The following RBPMS2 variants were observed in gnomAD, a reference collection of about 807,000 sequenced individuals.
RBPMS2 encodes RNA-binding protein with multiple splicing 2.
Under a neutral mutation model 25.7 loss-of-function variants are expected in RBPMS2, and 14 were observed. The observed-to-expected ratio is 0.55, with a 90% CI of 0.36 to 0.85. The LOEUF is 0.85. Ranked by LOEUF, RBPMS2 falls within the 40% of genes least tolerant of loss-of-function variation. RBPMS2 has a pLI of 0.01. For synonymous variants in RBPMS2, 127 were observed against 115.6 expected (o/e 1.10, Z -0.63); for missense variants, 252 against 283.4 (o/e 0.89, Z 0.80).
intron 3 of RBPMS2, among the ~76,000 whole-genome samples, 198 bp from the exon 4 acceptor site, chr15:64,749,691 A>G (rs557824767): frequency 6.6e-6 from 1 of 152,318 alleles, no homozygotes; most frequent in Admixed American, 6.5e-5. Context: ...AACATGCACC[A>G]AAAGTCAAGT....
At chr15:64,763,505 C>G (rs1419271426) in intron 1 of RBPMS2, among the ~76,000 whole-genome samples, 1 of 152,192 alleles carries the variant, frequency 6.6e-6, no homozygotes, top group Non-Finnish European at 1.5e-5. Flanking sequence ...GTTCTGCCTG[C>G]CCCTGCTATC....
intron 6 of RBPMS2, among the ~76,000 whole-genome samples, chr15:64,742,290 C>T (rs1284610752): frequency 6.6e-6 from 1 of 152,244 alleles, no homozygotes; most frequent in Non-Finnish European, 1.5e-5. Context: ...CTGAGGCTCC[C>T]GTTTTGACCT....
chr15:64,748,311 A>T, intron 6 of RBPMS2, 108 bp downstream of exon 6: 1 of 1,184,336 alleles, frequency 8.4e-7, no homozygotes, highest in Non-Finnish European at 1.2e-6. Flanking sequence ...GGAAGACAAG[A>T]GTTCTGCTGC....
chr15:64,753,568 A>C (rs768436906), intron 1 of RBPMS2, among the ~76,000 whole-genome samples: 1 of 152,204 alleles, frequency 6.6e-6, no homozygotes, highest in Non-Finnish European at 1.5e-5. Flanking sequence ...ACTCTCAGCC[A>C]CGGTGAAGAC....
intron 1 of RBPMS2, among the ~76,000 whole-genome samples, chr15:64,773,498 G>A (rs561506572): frequency 2.0e-5 from 3 of 152,326 alleles, no homozygotes; most frequent in East Asian, 1.9e-4. Flanking sequence ...GAATAGTAGG[G>A]ATTCCACTTT....
At chr15:64,750,254 T>A in intron 3 of RBPMS2, 89 bp downstream of exon 3, 1 of 1,161,290 alleles carries the variant, frequency 8.6e-7, no homozygotes, top group Non-Finnish European at 1.3e-6. Flanking sequence ...GCCAGATGCC[T>A]CTAGATTAGG....
At chr15:64,757,404 C>G (rs866533171) in intron 1 of RBPMS2, among the ~76,000 whole-genome samples, 1 of 152,308 alleles carries the variant, frequency 6.6e-6, no homozygotes, top group African/African-American at 2.4e-5. Flanking sequence ...GCACAAGGAT[C>G]TCCCTCATCA....
chr15:64,742,200 C>T (rs1455339183), intron 6 of RBPMS2, among the ~76,000 whole-genome samples: 1 of 152,164 alleles, frequency 6.6e-6, no homozygotes, highest in Admixed American at 6.5e-5. Flanking sequence ...AAACAAAACC[C>T]AAAGTCCGTG....
intron 1 of RBPMS2, among the ~76,000 whole-genome samples, chr15:64,760,079 G>A (rs544252904): frequency 6.6e-6 from 1 of 152,368 alleles, no homozygotes; most frequent in African/African-American, 2.4e-5. Flanking sequence ...CAGTGCCCTG[G>A]ACAGCAGATG....
intron 1 of RBPMS2, among the ~76,000 whole-genome samples, chr15:64,752,012 T>C (rs1454212510): frequency 6.6e-6 from 1 of 150,522 alleles, no homozygotes; most frequent in Non-Finnish European, 1.5e-5. Flanking sequence ...TTGCCCAGGC[T>C]AAACTGCAGT....
intron 1 of RBPMS2, among the ~76,000 whole-genome samples, chr15:64,760,246 A>G (rs1372427056): frequency 6.6e-6 from 1 of 152,200 alleles, no homozygotes; most frequent in Non-Finnish European, 1.5e-5. Context: ...GCCAGGAGCC[A>G]CGACCATGGG....
At position 64,749,166 on chromosome 15, in the gene RBPMS2, AAAG is replaced by A. The variant is rs763350998; in HGVS notation, c.268-19_268-17del. Reference sequence around the variant, plus strand: ...AGCGAATACCCTACATGGGTAGAGAAAAGAAGAGAAAGGCTTACTCCGGGGGAC... The same window carrying A: ...AGCGAATACCCTACATGGGTAGAGAAAAGAGAAAGGCTTACTCCGGGGGAC... On this transcript the variant is annotated splice_polypyrimidine_tract_variant and intron_variant, in intron 4 of 7. Coordinates refer to ENST00000300069, the MANE Select transcript of RBPMS2 (RefSeq NM_194272.3). 1.9e-6 allele frequency: 3 copies of A among 1,613,784 alleles called. No homozygotes were observed. Among genetic ancestry groups the A allele is most frequent in the Non-Finnish European group, 2.5e-6 (3 of 1,179,724 alleles).
chr15:64,742,635 C>CG (rs1426986052), intron 6 of RBPMS2, among the ~76,000 whole-genome samples: 4 of 152,064 alleles, frequency 2.6e-5, no homozygotes, highest in African/African-American at 7.2e-5. Flanking sequence ...AGGGGTGTGG[C>CG]GGGGGGAGCG....
chr15:64,741,229 G>T lies in RBPMS2; in HGVS notation c.581C>A (p.Pro194His). ...AALHAQVRWY[P>H]SSDTTQQGWK... ...TCCTTGCTGGGTGGTGTCAGAGGAA[G>T]GGTACCAGCGCACCTGCAAGAGAAG... is the stretch of plus-strand genomic sequence containing the variant. The change falls in exon 7 of 8, where the codon CCT (proline) becomes CAT (histidine). Residue 194 changes from proline to histidine, a missense_variant. Coordinates refer to ENST00000300069, the MANE Select transcript of RBPMS2 (RefSeq NM_194272.3). 2 of 1,591,506 alleles carry T rather than the reference G, an allele frequency of 1.3e-6. No individual in the cohort carries two copies. The highest frequency in any genetic ancestry group is 1.1e-5 in the South Asian group (1 of 87,280).
chr15:64,743,277 G>A (rs1397398184), intron 6 of RBPMS2, among the ~76,000 whole-genome samples: 1 of 152,220 alleles, frequency 6.6e-6, no homozygotes, highest in Non-Finnish European at 1.5e-5. Flanking sequence ...GACTGCCTAA[G>A]GCCGCCCTCA....
chr15:64,751,505 C>A (rs984280991), intron 2 of RBPMS2, 56 bp downstream of exon 2: 6 of 1,486,916 alleles, frequency 4.0e-6, no homozygotes, highest in Non-Finnish European at 5.6e-6. Flanking sequence ...GATTCACTCC[C>A]GCTGCTTCTC....
chr15:64,756,831 G>A (rs1229473002), intron 1 of RBPMS2, among the ~76,000 whole-genome samples: 2 of 149,412 alleles, frequency 1.3e-5, no homozygotes, highest in African/African-American at 2.5e-5. Context: ...GGAGAGACAG[G>A]GTTTCACCAC....
intron 2 of RBPMS2, among the ~76,000 whole-genome samples, chr15:64,750,855 T>C (rs1020063376): frequency 2.0e-5 from 3 of 151,116 alleles, no homozygotes; most frequent in Non-Finnish European, 4.4e-5. Flanking sequence ...ATGGCCAATA[T>C]GGTGAAACCC....
intron 1 of RBPMS2, among the ~76,000 whole-genome samples, chr15:64,759,833 C>T (rs1266130659): frequency 3.9e-5 from 6 of 152,244 alleles, no homozygotes; most frequent in South Asian, 2.1e-4. Flanking sequence ...CCACCATGCC[C>T]GGCTAATTTT....
Sources: gnomAD v4.1 joint callset for allele counts (sites outside exome capture counted in the v4.1 genomes callset) on GRCh38, gnomAD v4.1.1 for gene constraint, MANE v1.5 for transcripts, NCBI Gene and HGNC (gene_info 2026-07-23, HGNC 2026-07-21) for gene names.